The following NFASC variants were observed in gnomAD, a reference collection of about 807,000 sequenced individuals.
NFASC encodes the protein neurofascin.
A neutral mutation model predicts 147.5 loss-of-function variants in NFASC; 43 were observed. The ratio of observed to expected loss-of-function variants is 0.29; its 90% confidence interval spans 0.23 to 0.38. The LOEUF is 0.38. NFASC is among the 10% of genes least tolerant of loss of function. The pLI is 1.00. For missense variants in NFASC, 1,320 were observed against 1,689.0 expected (o/e 0.78, Z 3.83); for synonymous variants, 622 against 665.5 (o/e 0.93, Z 1.01).
intron 24 of NFASC, among the ~76,000 whole-genome samples, chr1:204,995,315 AGTGT>A (rs60921990): frequency 0.55 from 77,688 of 140,552 alleles, 21,278 homozygotes; most frequent in East Asian, 0.76. Context: ...ATGTGTGCAC[AGTGT>A]GTGTGTGTGT....
At chr1:204,830,939 G>C (rs949355808) in intron 1 of NFASC, among the ~76,000 whole-genome samples, 1 of 152,192 alleles carries the variant, frequency 6.6e-6, no homozygotes, top group Non-Finnish European at 1.5e-5. Flanking sequence ...GCCTGGCAAG[G>C]GGATGTGCTG....
chr1:204,847,583 C>T (rs1306804407), intron 1 of NFASC, among the ~76,000 whole-genome samples: 1 of 152,204 alleles, frequency 6.6e-6, no homozygotes, highest in Non-Finnish European at 1.5e-5. Context: ...CCCAAGGCTA[C>T]CAGCCTCTTT....
At chr1:204,983,974 G>A (rs2095557537) in intron 21 of NFASC, 3 of 1,280,332 alleles carry the variant, frequency 2.3e-6, no homozygotes, top group Non-Finnish European at 2.3e-6. Flanking sequence ...CAAGTCAGAA[G>A]CAACTGTAGA....
At chr1:204,938,937 A>T (rs935935040) in intron 2 of NFASC, among the ~76,000 whole-genome samples, 4 of 152,124 alleles carry the variant, frequency 2.6e-5, no homozygotes, top group African/African-American at 9.7e-5. Flanking sequence ...TCAGTAACAC[A>T]CCTAACCAAT....
intron 29 of NFASC, among the ~76,000 whole-genome samples, chr1:205,014,425 A>G (rs952125976): frequency 6.6e-5 from 10 of 152,220 alleles, no homozygotes; most frequent in Non-Finnish European, 1.3e-4. Context: ...AAGTTTCTAG[A>G]GAGGATAGGC....
chr1:204,871,119 A>G, intron 1 of NFASC: 1 of 1,287,746 alleles, frequency 7.8e-7, no homozygotes, highest in Non-Finnish European at 1.0e-6. Context: ...TCCTCACCCC[A>G]TTCCTCCTGC....
rs140756489 is a variant in NFASC, at chr1:204,974,243, G to A, written c.1344G>A (p.Thr448=). 33 of 1,614,116 alleles carry A rather than the reference G, an allele frequency of 2.0e-5. No individual in the cohort carries two copies. The highest frequency in any genetic ancestry group is 8.0e-5 in the African/African-American group (6 of 75,014). Reference sequence around the variant, plus strand: ...TTCGAGTGATTCTTTACAACCGGACGCGGCTGGACTGCCCTTTCTTTGGGT... The same window carrying A: ...TTCGAGTGATTCTTTACAACCGGACACGGCTGGACTGCCCTTTCTTTGGGT... The part of the protein sequence containing the change: ...QLIRVILYNR[T]RLDCPFFGSP... The change falls in exon 13 of 30, where the codon ACG becomes ACA. Residue 448 remains threonine (T), a synonymous_variant. Transcript: ENST00000339876.
intron 23 of NFASC, chr1:204,989,830 G>C (rs1186705138): frequency 6.6e-6 from 1 of 152,326 alleles, no homozygotes; most frequent in Non-Finnish European, 1.5e-5. Flanking sequence ...TTCACGGGAA[G>C]ACTCCAGAGA....
intron 28 of NFASC, among the ~76,000 whole-genome samples, chr1:205,011,226 A>T (rs2096249321): frequency 7.0e-6 from 1 of 142,528 alleles, no homozygotes; most frequent in Admixed American, 6.9e-5. Flanking sequence ...AAAACTCAAC[A>T]CAAAGGAAAT....
intron 2 of NFASC, among the ~76,000 whole-genome samples, chr1:204,941,153 A>C (rs545920926): frequency 2.6e-5 from 4 of 152,356 alleles, no homozygotes; most frequent in African/African-American, 9.6e-5. Context: ...CTAACCAGCT[A>C]GGTAAACTCA....
intron 2 of NFASC, among the ~76,000 whole-genome samples, chr1:204,921,509 CTTG>C (rs973621079): frequency 1.3e-5 from 2 of 152,154 alleles, no homozygotes; most frequent in African/African-American, 4.8e-5. Flanking sequence ...ACCTCACTCT[CTTG>C]TTGTCTTTTT....
At chr1:205,005,057 G>A (rs2248748) in intron 27 of NFASC, among the ~76,000 whole-genome samples, 79,588 of 152,010 alleles carry the variant, frequency 0.52, 21,646 homozygotes, top group Middle Eastern at 0.61. Context: ...AGCCTGCCTC[G>A]GACCTCAGGA....
intron 1 of NFASC, among the ~76,000 whole-genome samples, chr1:204,916,476 T>C (rs1184935851): frequency 1.3e-5 from 2 of 152,250 alleles, no homozygotes; most frequent in African/African-American, 2.4e-5. Flanking sequence ...AGCAATCCTA[T>C]AGGTAGATCT....
intron 1 of NFASC, among the ~76,000 whole-genome samples, chr1:204,873,234 C>G (rs138126260): frequency 2.0e-5 from 3 of 152,306 alleles, no homozygotes; most frequent in Non-Finnish European, 4.4e-5. Context: ...AATGACCACT[C>G]AAGACATTTT....
chr1:204,846,450 G>A (rs4951134), intron 1 of NFASC, among the ~76,000 whole-genome samples: 31,368 of 151,866 alleles, frequency 0.21, 4,809 homozygotes, highest in East Asian at 0.53. Flanking sequence ...TGGCCATTTG[G>A]GAGTGCGGCA....
rs2096219744 is a variant in NFASC at position 205,009,918 on chromosome 1, G to A, written c.3421+230G>A. 4 of 557,996 alleles carry A rather than the reference G, an allele frequency of 7.2e-6. No individual in the cohort carries two copies. In the Admixed American group the frequency reaches 1.2e-4, roughly 17 times the overall value. The allele number at this position is 557,996 out of a possible 1,614,324, so 34.6% of individuals were successfully genotyped here. ...GGCACAGTCCAGGCGGCCTCAGAGAGGGGATGGAAGGAACCCTGGCTCCTA... is the reference window on the plus strand; with the variant it reads ...GGCACAGTCCAGGCGGCCTCAGAGAAGGGATGGAAGGAACCCTGGCTCCTA... On this transcript the variant is annotated intron_variant, in intron 28 of 29. Coordinates refer to ENST00000339876, the MANE Select transcript of NFASC (RefSeq NM_001005388.3).
intron 1 of NFASC, among the ~76,000 whole-genome samples, chr1:204,885,551 T>C (rs2081164124): frequency 1.3e-5 from 2 of 152,224 alleles, no homozygotes; most frequent in African/African-American, 4.8e-5. Flanking sequence ...TGACCAGGGC[T>C]GGTGCCAAAA....
chr1:204,832,169 CG>C (rs1672402585), intron 1 of NFASC, among the ~76,000 whole-genome samples: 1 of 151,844 alleles, frequency 6.6e-6, no homozygotes, highest in African/African-American at 2.4e-5. Flanking sequence ...AAGGTGAACC[CG>C]GCTAGATGTG....
At chr1:205,005,129 G>T (rs751252565) in intron 27 of NFASC, among the ~76,000 whole-genome samples, 41 of 152,364 alleles carry the variant, frequency 2.7e-4, no homozygotes, top group Admixed American at 7.2e-4. Context: ...TTTGGGAGAA[G>T]CATCTCTTTG....
Sources: allele counts gnomAD v4.1 joint callset (sites outside exome capture counted in the v4.1 genomes callset), GRCh38; gene constraint gnomAD v4.1.1; transcripts MANE v1.5; gene names NCBI Gene and HGNC (gene_info 2026-07-23, HGNC 2026-07-21).